The following ZBED4 variants were observed in gnomAD, a reference collection of about 807,000 sequenced individuals.
ZBED4 encodes the protein zinc finger BED domain-containing protein 4.
Under a neutral mutation model 15.5 loss-of-function variants are expected in ZBED4, and 4 were observed. The observed-to-expected ratio is 0.26, with a 90% confidence interval of 0.13 to 0.59. The LOEUF (loss-of-function observed/expected upper bound fraction) is 0.59, where lower values mean the gene tolerates loss of function less well. Among genes scored for constraint, ZBED4 ranks in the 20% least tolerant of loss-of-function variants. The pLI is 0.90. For synonymous variants in ZBED4, 692 were observed against 608.5 expected, an observed-to-expected ratio of 1.14 and a Z score of -2.02; for missense variants, 1,323 against 1,461.8, an observed-to-expected ratio of 0.91 and a Z score of 1.55.
chr22:49,873,445 G>T lies in ZBED4; in HGVS notation c.-329-9889G>T, dbSNP rs144132023. ...CTGTCTGACATGGGTGTGGCTTGTG[G>T]TGGCTCACGTTAATTACGATGGTAG... On this transcript the variant is annotated intron_variant, in intron 1 of 1. Coordinates refer to ENST00000216268, the MANE Select transcript of ZBED4 (RefSeq NM_014838.3). Among the ~76,000 whole-genome samples, 1,314 of 152,284 alleles carry T rather than the reference G, an allele frequency of 8.6e-3. 16 individuals are homozygous for T. Among genetic ancestry groups the T allele is most frequent in the South Asian group, 0.068 (329 of 4,830 alleles).
At position 49,879,178 on chromosome 22, in the gene ZBED4, GA is replaced by G. The variant is rs540695319; in HGVS notation, c.-329-4154del. On this transcript the variant is annotated intron_variant, in intron 1 of 1. Transcript: ENST00000216268. ...ACAAAAAACAAAAAAAAACAGGAGTGAAGTGGCGCAATCTCGGCTCACTGTA... is the reference window on the plus strand; with the variant it reads ...ACAAAAAACAAAAAAAAACAGGAGTGAGTGGCGCAATCTCGGCTCACTGTA... Among the ~76,000 whole-genome samples, 6 of 150,852 alleles carry G rather than the reference GA, an allele frequency of 4.0e-5. No homozygotes were observed. The South Asian group carries it at 1.3e-3, about 32-fold the overall frequency.
chr22:49,866,048 A>G (rs5769760), intron 1 of ZBED4, among the ~76,000 whole-genome samples: 97,845 of 151,836 alleles, frequency 0.64, 35,666 homozygotes, highest in East Asian at 0.85. Context: ...ATGTTATTCT[A>G]TGGTCTTCTA....
intron 1 of ZBED4, among the ~76,000 whole-genome samples, chr22:49,861,002 C>CTCT (rs71926728): frequency 1.5e-4 from 2 of 13,480 alleles, no homozygotes; most frequent in African/African-American, 1.8e-4. Flanking sequence ...TGGTCTCGAT[C>CTCT]TGAGCTCAGG....
intron 1 of ZBED4, among the ~76,000 whole-genome samples, chr22:49,880,373 G>A (rs984695588): frequency 2.6e-5 from 4 of 152,216 alleles, no homozygotes; most frequent in Admixed American, 2.6e-4. Flanking sequence ...AGGAACCTCC[G>A]CAGGTCTGCG....
chr22:49,854,150 C>T (rs2060264553), intron 1 of ZBED4, among the ~76,000 whole-genome samples, 161 bp downstream of exon 1: 1 of 145,766 alleles, frequency 6.9e-6, no homozygotes, highest in South Asian at 2.1e-4. Context: ...GGGTCCCCGC[C>T]CGGCGCCGCC....
chr22:49,883,567 G>T lies in ZBED4; in HGVS notation c.-96G>T. ...ACATCCTGAAAGATGGAATTATGAC[G>T]AAAAAGTGAAGATAATCTACATTCG... On this transcript the variant is annotated 5_prime_UTR_variant, in exon 2 of 2. Transcript: ENST00000216268. The T allele has an allele frequency of 7.0e-7, 1 of 1,418,836 alleles. No homozygotes were observed. Among genetic ancestry groups the T allele is most frequent in the Non-Finnish European group, 9.3e-7 (1 of 1,075,714 alleles). The allele number at this position is 1,418,836 out of a possible 1,614,324, so 87.9% of individuals were successfully genotyped here. A position where few individuals can be genotyped will look rare whatever the true frequency, so the allele number is the denominator to read the frequency against.
At chr22:49,854,986 T>G (rs1201406581) in intron 1 of ZBED4, among the ~76,000 whole-genome samples, 1 of 151,964 alleles carries the variant, frequency 6.6e-6, no homozygotes, top group African/African-American at 2.4e-5. Flanking sequence ...TAGGAAGGAT[T>G]TGGTTGGGAT....
At chr22:49,861,229 C>T (rs922308111) in intron 1 of ZBED4, among the ~76,000 whole-genome samples, 1 of 151,892 alleles carries the variant, frequency 6.6e-6, no homozygotes, top group Non-Finnish European at 1.5e-5. Context: ...GATGGAGTCT[C>T]GCTCTGGATT....
chr22:49,878,593 A>G (rs1268265071), intron 1 of ZBED4, among the ~76,000 whole-genome samples: 1 of 152,222 alleles, frequency 6.6e-6, no homozygotes, highest in Non-Finnish European at 1.5e-5. Flanking sequence ...ATCTAAATAT[A>G]AAACTTAAAA....
intron 1 of ZBED4, among the ~76,000 whole-genome samples, chr22:49,880,451 C>T (rs1006021225): frequency 3.3e-5 from 5 of 152,236 alleles, no homozygotes; most frequent in African/African-American, 7.2e-5. Context: ...TCCGACTCCC[C>T]GCCCCGCAGC....
At chr22:49,859,060 T>C (rs1316922813) in intron 1 of ZBED4, among the ~76,000 whole-genome samples, 1 of 152,152 alleles carries the variant, frequency 6.6e-6, no homozygotes, top group Admixed American at 6.5e-5. Flanking sequence ...AGGGGGTGTC[T>C]CGGGGTGTGT....
chr22:49,885,813 G>T lies in ZBED4; in HGVS notation c.2151G>T (p.Met717Ile). Residue 717 changes from methionine to isoleucine, a missense_variant, in exon 2 of 2, where the codon ATG becomes ATT. By Grantham distance (10) the Met-to-Ile change is conservative. Transcript: ENST00000216268. ...ATGATAATGTGAAGCAGATAATTAT[G>T]TCCCACCTTAAGGAAGCTGAGAGTG... is the stretch of plus-strand genomic sequence containing the variant. ...GMYDNVKQII[M>I]SHLKEAESGV... 1 of 1,589,604 alleles carries T rather than the reference G, an allele frequency of 6.3e-7. No homozygotes were observed. The highest frequency in any genetic ancestry group is 1.1e-5 in the South Asian group (1 of 90,450).
At chr22:49,865,453 C>T (rs573425874) in intron 1 of ZBED4, among the ~76,000 whole-genome samples, 12 of 151,408 alleles carry the variant, frequency 7.9e-5, no homozygotes, top group Admixed American at 1.3e-4. Context: ...GTTCGAGACC[C>T]GCCTGGCCAA....
chr22:49,858,747 C>G (rs2060285332), intron 1 of ZBED4, among the ~76,000 whole-genome samples: 1 of 152,208 alleles, frequency 6.6e-6, no homozygotes. Context: ...TTGGCGTCAT[C>G]CAGTAGCCAG....
In ZBED4 at chr22:49,886,808, G is replaced by A; in HGVS notation, c.3146G>A (p.Cys1049Tyr). The change falls in exon 2 of 2, where the codon TGT becomes TAT. Residue 1049 changes from cysteine (C) to tyrosine (Y), a missense_variant. Around this residue, in one of 6 missense-constraint regions of ZBED4, gnomAD observed 312 missense variants for 410.7 expected, o/e 0.76. Transcript: ENST00000216268. This position sits in a 1 kb window ranked among gnomAD's most constrained non-coding sequence, Gnocchi z 7.7. ...GAGGACGTGGCTGCCTCCCACAGGTGTGATGCTGGCTCCCCGTCGAAAGAC... is the reference window on the plus strand; with the variant it reads ...GAGGACGTGGCTGCCTCCCACAGGTATGATGCTGGCTCCCCGTCGAAAGAC... ...TSEDVAASHR[C>Y]DAGSPSKDSA... The A allele has an allele frequency of 1.9e-6, 3 of 1,613,432 alleles. No homozygotes were observed. The highest frequency in any genetic ancestry group is 2.5e-6 in the Non-Finnish European group (3 of 1,179,794).
At chr22:49,879,297 T>C (rs1268365032) in intron 1 of ZBED4, among the ~76,000 whole-genome samples, 3 of 150,412 alleles carry the variant, frequency 2.0e-5, no homozygotes, top group African/African-American at 7.4e-5. Flanking sequence ...GCTAATTTTT[T>C]TGTATTTTTA....
At chr22:49,876,016 C>G (rs1166871166) in intron 1 of ZBED4, among the ~76,000 whole-genome samples, 1 of 149,254 alleles carries the variant, frequency 6.7e-6, no homozygotes, top group Non-Finnish European at 1.5e-5. Flanking sequence ...ATTAAATTTG[C>G]TTTACTTTTG....
At chr22:49,883,233 TAC>T (rs2060418693) in intron 1 of ZBED4, 99 bp from the exon 2 acceptor site, 1 of 153,638 alleles carries the variant, frequency 6.5e-6, no homozygotes, top group African/African-American at 2.4e-5. Context: ...TTTTCCATTA[TAC>T]AGTTTTTTTC....
chr22:49,874,448 C>T (rs1196709734), intron 1 of ZBED4, among the ~76,000 whole-genome samples: 1 of 150,184 alleles, frequency 6.7e-6, no homozygotes, highest in Non-Finnish European at 1.5e-5. Flanking sequence ...TGCAGTGGTG[C>T]GATCTCGGCT....
Sources: allele counts gnomAD v4.1 joint callset (sites outside exome capture counted in the v4.1 genomes callset), GRCh38; gene constraint gnomAD v4.1.1; regional missense constraint gnomAD v4.1.1; non-coding constraint Gnocchi (gnomAD v3.1); transcripts MANE v1.5; gene names NCBI Gene and HGNC (gene_info 2026-07-23, HGNC 2026-07-21).